RIMS2: variants seen among roughly 807,000 people sequenced by gnomAD.
The protein encoded by RIMS2 is regulating synaptic membrane exocytosis protein 2.
RIMS2 carries 59 observed loss-of-function variants against 174.4 expected under a neutral mutation model. That is an observed-to-expected ratio of 0.34 (90% CI 0.27 to 0.42). The LOEUF is 0.42. Ranked by LOEUF, RIMS2 falls within the 10% of genes least tolerant of loss-of-function variation. The pLI is 1.00. For synonymous variants in RIMS2, 606 were observed against 572.5 expected (o/e 1.06, Z -0.84); for missense variants, 1,620 against 1,666.3 (o/e 0.97, Z 0.48).
chr8:103,819,411 T>A, intron 3 of RIMS2: 1 of 1,581,622 alleles, frequency 6.3e-7, no homozygotes. Context: ...ATATGGAACT[T>A]GATTGGCGTG....
chr8:103,685,404 C>G (rs186688972), intron 1 of RIMS2, among the ~76,000 whole-genome samples: 1 of 152,258 alleles, frequency 6.6e-6, no homozygotes, highest in East Asian at 1.9e-4. Flanking sequence ...AGAACTCACT[C>G]TATTAGCATG....
At chr8:103,985,324 A>G (rs1292706407) in intron 16 of RIMS2, among the ~76,000 whole-genome samples, 3 of 151,754 alleles carry the variant, frequency 2.0e-5, no homozygotes, top group Admixed American at 2.0e-4. Context: ...AAATACAAAA[A>G]TTAGCCGAGC....
chr8:104,191,318 C>G (rs932015037), intron 19 of RIMS2, among the ~76,000 whole-genome samples: 1 of 151,998 alleles, frequency 6.6e-6, no homozygotes, highest in African/African-American at 2.4e-5. Context: ...TTTTAAATTC[C>G]CATGTTTATG....
intron 19 of RIMS2, among the ~76,000 whole-genome samples, chr8:104,104,010 A>T (rs552489923): frequency 1.8e-4 from 27 of 152,204 alleles, no homozygotes; most frequent in Non-Finnish European, 3.5e-4. Flanking sequence ...CTAGAGTAAG[A>T]ACCTGAAGAT....
chr8:104,192,641 T>A (rs1437679457), intron 19 of RIMS2, among the ~76,000 whole-genome samples: 1 of 152,186 alleles, frequency 6.6e-6, no homozygotes, highest in African/African-American at 2.4e-5. Context: ...TAAGAACTTG[T>A]CTTTCTGGAG....
At chr8:103,721,989 C>T (rs930009009) in intron 2 of RIMS2, among the ~76,000 whole-genome samples, 2 of 151,900 alleles carry the variant, frequency 1.3e-5, no homozygotes, top group African/African-American at 2.4e-5. Context: ...CAGAGGGTGA[C>T]GGTAGGGAAG....
At chr8:103,510,014 T>C (rs1198175186) in intron 1 of RIMS2, among the ~76,000 whole-genome samples, 1 of 152,196 alleles carries the variant, frequency 6.6e-6, no homozygotes, top group African/African-American at 2.4e-5. Flanking sequence ...TGATAGGTTC[T>C]GCTAAACAGA....
chr8:103,912,174 T>C lies in RIMS2; in HGVS notation c.1812+2T>C. ...TCAGGAGCAATGCTTGGCTTGAAGG[T>C]ATGTAATAAAAAGTATGAGATTTTG... On this transcript the variant is annotated splice_donor_variant, in intron 6 of 23. Coordinates refer to ENST00000504942, the Ensembl canonical transcript of RIMS2. LOFTEE classifies it high-confidence loss of function. 1 of 1,604,582 alleles carries C rather than the reference T, an allele frequency of 6.2e-7. No individual in the cohort carries two copies. Among genetic ancestry groups the C allele is most frequent in the Non-Finnish European group, 8.5e-7 (1 of 1,174,014 alleles).
intron 1 of RIMS2, among the ~76,000 whole-genome samples, chr8:103,635,466 C>G (rs1356706844): frequency 6.6e-6 from 1 of 152,124 alleles, no homozygotes; most frequent in Non-Finnish European, 1.5e-5. Flanking sequence ...GCCACTTTTC[C>G]ATAGGGCTGC....
intron 19 of RIMS2, among the ~76,000 whole-genome samples, chr8:104,163,097 T>C (rs895464172): frequency 2.0e-5 from 3 of 152,168 alleles, no homozygotes; most frequent in African/African-American, 7.2e-5. Context: ...AAGATAAGAC[T>C]GTTGGCTCAT....
rs201106079 is a variant in RIMS2, at chr8:104,251,794, A to G, written c.4024A>G (p.Thr1342Ala). The change falls in exon 24 of 24, where the codon ACT becomes GCT. Residue 1342 changes from threonine to alanine, a missense_variant. Transcript: ENST00000504942. ...TTCCCAATCATCTCTGGAAAGTTCA[A>G]CTGGACCTTCTTACTCTCGTTCATA... 57 of 1,609,256 alleles carry G rather than the reference A, an allele frequency of 3.5e-5. No homozygotes were observed. The Admixed American group carries it at 4.7e-4, about 13-fold the overall frequency.
chr8:104,253,785 C>T (rs192327925), downstream of RIMS2: 1 of 152,208 alleles, frequency 6.6e-6, no homozygotes, highest in East Asian at 1.9e-4. Context: ...AAATTAAGGC[C>T]ATGCACAAAT....
At chr8:103,594,286 C>A (rs1338393178) in intron 1 of RIMS2, among the ~76,000 whole-genome samples, 6 of 151,446 alleles carry the variant, frequency 4.0e-5, no homozygotes, top group Non-Finnish European at 7.4e-5. Context: ...GGTAATTTTG[C>A]TATTTAAAAT....
intron 1 of RIMS2, among the ~76,000 whole-genome samples, chr8:103,587,740 G>T (rs1035271422): frequency 6.6e-6 from 1 of 151,964 alleles, no homozygotes; most frequent in Non-Finnish European, 1.5e-5. Flanking sequence ...CAAAAAACTG[G>T]GGATGGAAGG....
intron 19 of RIMS2, among the ~76,000 whole-genome samples, chr8:104,122,890 A>G (rs1190786029): frequency 6.6e-6 from 1 of 152,198 alleles, no homozygotes; most frequent in South Asian, 2.1e-4. Flanking sequence ...TTGACAGTCA[A>G]CAAGTTATCT....
At chr8:104,243,552 G>T (rs1042629262) in intron 19 of RIMS2, among the ~76,000 whole-genome samples, 5 of 152,102 alleles carry the variant, frequency 3.3e-5, no homozygotes, top group Admixed American at 1.3e-4. Context: ...AGGGCATGGT[G>T]GTGGTCACCT....
intron 3 of RIMS2, among the ~76,000 whole-genome samples, chr8:103,863,889 T>G (rs1206940633): frequency 2.7e-5 from 2 of 72,832 alleles, no homozygotes; most frequent in East Asian, 5.2e-4. Context: ...AGAACCAAGT[T>G]TTTTTTTTTG....
intron 1 of RIMS2, among the ~76,000 whole-genome samples, chr8:103,683,525 A>T (rs1347535463): frequency 6.6e-6 from 1 of 152,178 alleles, no homozygotes; most frequent in Non-Finnish European, 1.5e-5. Context: ...TTTGGCAGGG[A>T]CGTTCAAACC....
At chr8:104,120,827 G>A (rs1238042172) in intron 19 of RIMS2, among the ~76,000 whole-genome samples, 1 of 152,124 alleles carries the variant, frequency 6.6e-6, no homozygotes, top group Non-Finnish European at 1.5e-5. Flanking sequence ...TCTTTGGGGT[G>A]AGAGCATTGC....
Sources: allele counts gnomAD v4.1 joint callset (sites outside exome capture counted in the v4.1 genomes callset), GRCh38; gene constraint gnomAD v4.1.1; transcripts MANE v1.5; gene names NCBI Gene and HGNC (gene_info 2026-07-23, HGNC 2026-07-21).